Variants in CCDC192 observed in about 807,000 individuals in gnomAD.
CCDC192 encodes coiled-coil domain-containing protein 192.
At chr5:127,718,477 A>G (rs1052082832) in intron 2 of CCDC192, among the ~76,000 whole-genome samples, 1 of 139,534 alleles carries the variant, frequency 7.2e-6, no homozygotes, top group Non-Finnish European at 1.6e-5. Context: ...ATTTGAGGAA[A>G]GCATACTAAT....
At chr5:127,748,873 G>T (rs1457189403) in intron 2 of CCDC192, among the ~76,000 whole-genome samples, 160 of 147,394 alleles carry the variant, frequency 1.1e-3, no homozygotes, top group Admixed American at 4.7e-3. Flanking sequence ...TGAAGCAATT[G>T]TGAATGGGAG....
chr5:127,747,119 G>C (rs190498996), intron 2 of CCDC192, among the ~76,000 whole-genome samples: 2 of 140,714 alleles, frequency 1.4e-5, no homozygotes, highest in African/African-American at 2.7e-5. Flanking sequence ...TTTTTTTATT[G>C]TTATACTTTA....
At chr5:127,825,242 C>T (rs1367726531) in intron 5 of CCDC192, among the ~76,000 whole-genome samples, 2 of 152,112 alleles carry the variant, frequency 1.3e-5, no homozygotes, top group African/African-American at 2.4e-5. Context: ...AGTAACAGTT[C>T]AGAGAAACAG....
intron 6 of CCDC192, among the ~76,000 whole-genome samples, chr5:127,893,959 A>T (rs1186463912): frequency 6.6e-6 from 1 of 152,218 alleles, no homozygotes; most frequent in Non-Finnish European, 1.5e-5. Flanking sequence ...TGGGAAAAAA[A>T]ATCCAAACCT....
At chr5:127,769,706 A>AT (rs1268900749) in intron 3 of CCDC192, among the ~76,000 whole-genome samples, 2 of 152,168 alleles carry the variant, frequency 1.3e-5, no homozygotes, top group Admixed American at 1.3e-4. Context: ...AGGTGCTCAA[A>AT]TGTGTAATAT....
At chr5:127,852,027 T>A (rs943180162) in intron 5 of CCDC192, among the ~76,000 whole-genome samples, 1 of 152,224 alleles carries the variant, frequency 6.6e-6, no homozygotes, top group Non-Finnish European at 1.5e-5. Context: ...ATTTAACAGT[T>A]AAAATTAAAT....
At chr5:127,870,707 C>T (rs1451229883) in intron 5 of CCDC192, among the ~76,000 whole-genome samples, 1 of 152,088 alleles carries the variant, frequency 6.6e-6, no homozygotes, top group African/African-American at 2.4e-5. Flanking sequence ...CAAAGGCCTG[C>T]CATGAACTGA....
At chr5:127,912,418 G>GAAAAAAAAA (rs1753395813) in intron 6 of CCDC192, among the ~76,000 whole-genome samples, 1 of 14,502 alleles carries the variant, frequency 6.9e-5, no homozygotes, top group African/African-American at 5.3e-4. Flanking sequence ...CCTGGGTTTA[G>GAAAAAAAAA]CAAAAAAAAA....
chr5:127,879,281 C>G (rs1382241058), intron 6 of CCDC192, among the ~76,000 whole-genome samples: 2 of 150,368 alleles, frequency 1.3e-5, no homozygotes, highest in Non-Finnish European at 3.0e-5. Flanking sequence ...GAAGTAACAC[C>G]GCATATCTAC....
At chr5:127,830,445 G>A (rs1239671465) in intron 5 of CCDC192, among the ~76,000 whole-genome samples, 1 of 152,096 alleles carries the variant, frequency 6.6e-6, no homozygotes, top group African/African-American at 2.4e-5. Flanking sequence ...CAGGAGCTTT[G>A]GCCTCTCTCC....
At chr5:127,881,888 C>T (rs1269442225) in intron 6 of CCDC192, among the ~76,000 whole-genome samples, 1 of 152,180 alleles carries the variant, frequency 6.6e-6, no homozygotes, top group East Asian at 1.9e-4. Flanking sequence ...AGCTTGAGTC[C>T]ACCTTTTGGT....
intron 2 of CCDC192, among the ~76,000 whole-genome samples, chr5:127,753,019 C>A (rs1386010019): frequency 1.3e-5 from 2 of 152,198 alleles, no homozygotes; most frequent in East Asian, 3.8e-4. Context: ...GTCTGGCACT[C>A]CCTAGTGAGA....
intron 5 of CCDC192, among the ~76,000 whole-genome samples, chr5:127,809,356 T>C (rs1561500872): frequency 6.6e-6 from 1 of 152,202 alleles, no homozygotes; most frequent in Non-Finnish European, 1.5e-5. Context: ...CCATGCAATA[T>C]AGCTGAAACA....
chr5:127,707,852 ATAT>A (rs1468083553), intron 2 of CCDC192, 92 bp downstream of exon 2: 4 of 388,224 alleles, frequency 1.0e-5, no homozygotes, highest in African/African-American at 8.3e-5. Context: ...GGTTTTCTTG[ATAT>A]TGTTTAGTTT....
intron 3 of CCDC192, among the ~76,000 whole-genome samples, chr5:127,778,415 C>T (rs1755997854): frequency 1.3e-5 from 2 of 152,172 alleles, no homozygotes; most frequent in South Asian, 4.1e-4. Context: ...TCTATTGCCT[C>T]AATCCATTTT....
At chr5:127,850,188 C>A (rs1750733857) in intron 5 of CCDC192, among the ~76,000 whole-genome samples, 1 of 151,984 alleles carries the variant, frequency 6.6e-6, no homozygotes, top group African/African-American at 2.4e-5. Flanking sequence ...GTAGAGCCAC[C>A]AGGAACATCG....
At chr5:127,765,675 A>T (rs1302047111) in intron 3 of CCDC192, among the ~76,000 whole-genome samples, 1 of 152,240 alleles carries the variant, frequency 6.6e-6, no homozygotes, top group African/African-American at 2.4e-5. Flanking sequence ...TAAAATAGAT[A>T]GTAAATTAAC....
At chr5:127,904,716 G>A (rs1753150394) in intron 6 of CCDC192, among the ~76,000 whole-genome samples, 1 of 152,048 alleles carries the variant, frequency 6.6e-6, no homozygotes, top group Admixed American at 6.5e-5. Flanking sequence ...TGGCCAGGCT[G>A]ATCTCGAACT....
chr5:127,933,134 C>G (rs1228791726), intron 6 of CCDC192, among the ~76,000 whole-genome samples: 2 of 152,102 alleles, frequency 1.3e-5, no homozygotes, highest in African/African-American at 2.4e-5. Context: ...TGCATTTACT[C>G]TGGAGAGGAG....
Sources: allele counts gnomAD v4.1 joint callset (sites outside exome capture counted in the v4.1 genomes callset), GRCh38; gene constraint gnomAD v4.1.1; transcripts MANE v1.5; gene names NCBI Gene and HGNC (gene_info 2026-07-23, HGNC 2026-07-21).